AFG2A: variants seen among roughly 807,000 people sequenced by gnomAD.
The protein encoded by AFG2A is ATPase family gene 2 protein homolog A.
At chr4:123,207,344 G>A in the AFG2A span, among the ~76,000 whole-genome samples, 1 of 137,306 alleles carries the variant, frequency 7.3e-6, no homozygotes, top group East Asian at 2.2e-4. Context: ...GGGGTGGAGT[G>A]TAGTGGCACA....
At chr4:123,302,245 C>T in the AFG2A span, among the ~76,000 whole-genome samples, 1,398 of 152,268 alleles carry the variant, frequency 9.2e-3, 24 homozygotes, top group South Asian at 0.086. Flanking sequence ...AAGGACATCC[C>T]CTGTCCTCCT....
chr4:123,185,713 G>C, the AFG2A span, among the ~76,000 whole-genome samples: 1 of 151,832 alleles, frequency 6.6e-6, no homozygotes, highest in Non-Finnish European at 1.5e-5. Context: ...TGATTCTCAC[G>C]CTCTGATTTT....
the AFG2A span, among the ~76,000 whole-genome samples, chr4:123,236,282 A>G: frequency 6.6e-6 from 1 of 152,220 alleles, no homozygotes; most frequent in Admixed American, 6.5e-5. Flanking sequence ...ATTCCAACCC[A>G]TAAGCCACTG....
chr4:123,249,836 G>A, the AFG2A span, among the ~76,000 whole-genome samples: 5,042 of 152,236 alleles, frequency 0.033, 268 homozygotes, highest in African/African-American at 0.11. Flanking sequence ...TGTTAGCCAG[G>A]TCTATGCATT....
the AFG2A span, among the ~76,000 whole-genome samples, chr4:122,987,905 T>C: frequency 3.3e-5 from 5 of 152,222 alleles, no homozygotes; most frequent in African/African-American, 1.2e-4. Flanking sequence ...CAGGGGGTTT[T>C]GTACTTTCAT....
chr4:123,212,642 T>C, the AFG2A span, among the ~76,000 whole-genome samples: 1 of 152,146 alleles, frequency 6.6e-6, no homozygotes, highest in African/African-American at 2.4e-5. Flanking sequence ...CTTGCAGTTG[T>C]AGTCCCAAAC....
the AFG2A span, among the ~76,000 whole-genome samples, chr4:123,257,885 C>G: frequency 2.6e-5 from 4 of 152,116 alleles, no homozygotes; most frequent in Non-Finnish European, 5.9e-5. Flanking sequence ...AAAAATAAAA[C>G]CCAGTGAGAT....
chr4:123,146,571 AT>A, the AFG2A span, among the ~76,000 whole-genome samples: 4 of 152,356 alleles, frequency 2.6e-5, no homozygotes, highest in Admixed American at 6.5e-5. Flanking sequence ...GAAACTCAAA[AT>A]TAAGCTCTCT....
the AFG2A span, chr4:122,979,481 T>TA: frequency 7.3e-7 from 1 of 1,372,564 alleles, no homozygotes; most frequent in Non-Finnish European, 9.9e-7. Flanking sequence ...GGCTAAACTT[T>TA]AAAAAAATAT....
chr4:123,179,359 G>A, the AFG2A span, among the ~76,000 whole-genome samples: 8 of 151,952 alleles, frequency 5.3e-5, no homozygotes, highest in Admixed American at 2.6e-4. Flanking sequence ...CTGTAAGTAC[G>A]TGACAGAGTC....
At chr4:123,275,059 C>T in the AFG2A span, among the ~76,000 whole-genome samples, 1 of 152,128 alleles carries the variant, frequency 6.6e-6, no homozygotes, top group African/African-American at 2.4e-5. Flanking sequence ...CTCTGCAGTG[C>T]TTTTCCCTCA....
At chr4:123,175,184 T>G in the AFG2A span, among the ~76,000 whole-genome samples, 31 of 152,266 alleles carry the variant, frequency 2.0e-4, no homozygotes, top group Admixed American at 1.8e-3. Flanking sequence ...AACTAAAGAT[T>G]TTTGTTCAAT....
chr4:122,925,120 C>G, the AFG2A span, among the ~76,000 whole-genome samples: 1 of 152,098 alleles, frequency 6.6e-6, no homozygotes, highest in Non-Finnish European at 1.5e-5. Flanking sequence ...ATTCAGAAAC[C>G]TAAGAGTCAT....
At chr4:122,935,590 A>G in the AFG2A span, 1 of 1,152,562 alleles carries the variant, frequency 8.7e-7, no homozygotes, top group East Asian at 2.5e-5. Flanking sequence ...GGGAGAAAAA[A>G]CTCTTGACTC....
the AFG2A span, among the ~76,000 whole-genome samples, chr4:123,265,938 T>C: frequency 6.6e-6 from 1 of 152,058 alleles, no homozygotes; most frequent in Admixed American, 6.6e-5. Flanking sequence ...AACCATTTAA[T>C]CTGTGCTTCC....
chr4:123,102,793 G>A, the AFG2A span, among the ~76,000 whole-genome samples: 3 of 96,918 alleles, frequency 3.1e-5, no homozygotes, highest in Non-Finnish European at 6.4e-5. Flanking sequence ...TTTGTTCCTG[G>A]CATTCTGTGT....
chr4:123,216,733 A>G, the AFG2A span, among the ~76,000 whole-genome samples: 1 of 151,048 alleles, frequency 6.6e-6, no homozygotes, highest in Non-Finnish European at 1.5e-5. Flanking sequence ...TGGTGCAGTC[A>G]TAGTTCAGTG....
At chr4:123,090,686 G>A in the AFG2A span, 29 of 1,613,820 alleles carry the variant, frequency 1.8e-5, no homozygotes, top group East Asian at 2.2e-5. Flanking sequence ...GCTACTAACC[G>A]TCCAGATAGG....
chr4:123,140,280 T>C, the AFG2A span, among the ~76,000 whole-genome samples: 1 of 152,082 alleles, frequency 6.6e-6, no homozygotes, highest in Non-Finnish European at 1.5e-5. Flanking sequence ...TTGAATCTGC[T>C]TTCAGTTTCA....
Sources: gnomAD v4.1 joint callset for allele counts (sites outside exome capture counted in the v4.1 genomes callset) on GRCh38, gnomAD v4.1.1 for gene constraint, MANE v1.5 for transcripts, NCBI Gene and HGNC (gene_info 2026-07-23, HGNC 2026-07-21) for gene names.